SPRYD7: variants seen among roughly 807,000 people sequenced by gnomAD.
SPRYD7 encodes the protein SPRY domain-containing protein 7.
SPRYD7 carries 14 observed loss-of-function variants against 23.8 expected under a neutral mutation model. The ratio of observed to expected loss-of-function variants is 0.59; its 90% CI spans 0.39 to 0.92. The LOEUF is 0.92. SPRYD7 is among the 40% of genes least tolerant of loss of function. The probability of loss-of-function intolerance (pLI) is 0.00; values close to 1 mark genes in which losing one functional copy is unlikely to be tolerated. For missense variants in SPRYD7, 194 were observed against 241.7 expected (o/e 0.80, Z 1.31); for synonymous variants, 75 against 84.9 (o/e 0.88, Z 0.64).
intron 1 of SPRYD7, among the ~76,000 whole-genome samples, chr13:49,934,161 A>G (rs1871507068): frequency 1.3e-5 from 2 of 152,178 alleles, no homozygotes; most frequent in African/African-American, 2.4e-5. Context: ...TGCTTGAAAC[A>G]TGTTCTTCTA....
chr13:49,935,193 TAAG>T (rs2138246339), intron 1 of SPRYD7, among the ~76,000 whole-genome samples: 1 of 152,340 alleles, frequency 6.6e-6, no homozygotes, highest in Admixed American at 6.5e-5. Context: ...TCATAAATAT[TAAG>T]AAGTGCCTTT....
chr13:49,935,122 A>C (rs965594557), intron 1 of SPRYD7, among the ~76,000 whole-genome samples: 1 of 152,234 alleles, frequency 6.6e-6, no homozygotes, highest in Non-Finnish European at 1.5e-5. Context: ...TATGTGTTAT[A>C]CAAAAATACA....
At position 49,936,159 on chromosome 13, in the gene SPRYD7, G is replaced by A. The variant is rs747280033; in HGVS notation, c.77C>T (p.Pro26Leu). Reference protein sequence around the residue: ...GTGHIPLKEMPAVQLDTQHMG... With the variant: ...GTGHIPLKEMLAVQLDTQHMG... ...GTGCTGCGTGTCCAGCTGCACGGCC[G>A]GCATCTCCTTCAGAGGGATGTGGCC... The change falls in exon 1 of 5, where the codon CCG becomes CTG. Residue 26 changes from proline to leucine, a missense_variant. By Grantham distance (98) the Pro-to-Leu change is moderately conservative. Coordinates refer to ENST00000361840, the MANE Select transcript of SPRYD7 (RefSeq NM_020456.4). 3.1e-6 allele frequency: 5 copies of A among 1,607,290 alleles called. No individual in the cohort carries two copies. Among genetic ancestry groups the A allele is most frequent in the Admixed American group, 1.7e-5 (1 of 59,450 alleles).
chr13:49,931,591 TATTTA>T (rs1871379093), intron 1 of SPRYD7, among the ~76,000 whole-genome samples: 1 of 152,234 alleles, frequency 6.6e-6, no homozygotes, highest in Non-Finnish European at 1.5e-5. Flanking sequence ...TTATTTTAAA[TATTTA>T]ATTCACTATT....
chr13:49,922,217 T>C lies in SPRYD7; in HGVS notation c.391-637A>G, dbSNP rs545257491. ...GATTTAAAAAACAATGTAATAAAAT[T>C]ACTCGGTACACTATTGATGGAAAAA... On this transcript the variant is annotated intron_variant, in intron 3 of 4. Coordinates refer to ENST00000361840, the MANE Select transcript of SPRYD7 (RefSeq NM_020456.4). Among the ~76,000 whole-genome samples, 6 of 151,446 alleles carry C rather than the reference T, an allele frequency of 4.0e-5. No homozygotes were observed. In the East Asian group the frequency reaches 9.7e-4, roughly 24 times the overall value.
rs745440751 is a variant in SPRYD7 at position 49,936,187 on chromosome 13, T to G, written c.49A>C (p.Thr17Pro). The part of the protein sequence containing the change: ...CCLRCCRDGG[T>P]GHIPLKEMPA... ...ATCTCCTTCAGAGGGATGTGGCCAGTCCCCCCGTCTCTGCAGCACCGCAGG... is the reference window on the plus strand; with the variant it reads ...ATCTCCTTCAGAGGGATGTGGCCAGGCCCCCCGTCTCTGCAGCACCGCAGG... The change falls in exon 1 of 5, where the codon ACT becomes CCT. Residue 17 changes from threonine (T) to proline (P), a missense_variant. Thr to Pro is a conservative substitution (Grantham distance 38). Transcript: ENST00000361840. 1.2e-6 allele frequency: 2 copies of G among 1,609,518 alleles called. No individual in the cohort carries two copies. The highest frequency in any genetic ancestry group is 2.2e-5 in the South Asian group (2 of 90,586).
chr13:49,925,017 A>G (rs1241006279), intron 3 of SPRYD7, among the ~76,000 whole-genome samples: 1 of 148,916 alleles, frequency 6.7e-6, no homozygotes, highest in Non-Finnish European at 1.5e-5. Context: ...AATAATAATA[A>G]TAATAATAAT....
intron 3 of SPRYD7, among the ~76,000 whole-genome samples, chr13:49,924,636 T>A (rs1566404374): frequency 6.6e-6 from 1 of 151,938 alleles, no homozygotes; most frequent in Non-Finnish European, 1.5e-5. Context: ...TTAACTCACA[T>A]AAGAAGTTAC....
chr13:49,927,693 G>C (rs1445708439), intron 3 of SPRYD7, among the ~76,000 whole-genome samples: 2 of 152,140 alleles, frequency 1.3e-5, no homozygotes, highest in East Asian at 1.9e-4. Context: ...TAGAAATAAG[G>C]GTTCACACTG....
At chr13:49,930,907 T>C in intron 2 of SPRYD7, 111 bp downstream of exon 2, 1 of 620,054 alleles carries the variant, frequency 1.6e-6, no homozygotes, top group Non-Finnish European at 2.7e-6. Context: ...CCAGATCTTC[T>C]AAGAGTTTGG....
intron 4 of SPRYD7, among the ~76,000 whole-genome samples, chr13:49,919,838 CGA>C (rs1339410824): frequency 7.0e-6 from 1 of 142,198 alleles, no homozygotes; most frequent in African/African-American, 2.6e-5. Context: ...ACCTTTTTTT[CGA>C]GATACAAATA....
At position 49,921,620 on chromosome 13, in the gene SPRYD7, C is replaced by G. The variant is rs773414035; in HGVS notation, c.391-40G>C. 64 of 1,292,352 alleles carry G rather than the reference C, an allele frequency of 5.0e-5. No individual in the cohort carries two copies. The South Asian group carries it at 7.5e-4, about 15-fold the overall frequency. 80.1% of individuals were successfully genotyped at this position (1,292,352 alleles called of 1,614,324 possible). ...ACAGAAACGTTCCATAAAAGCTGAG[C>G]CGTCAGAAAGCATTGACTGGGAAGT... On this transcript the variant is annotated intron_variant, in intron 3 of 4. Transcript: ENST00000361840.
At chr13:49,923,570 C>G (rs2138223844) in intron 3 of SPRYD7, among the ~76,000 whole-genome samples, 1 of 152,258 alleles carries the variant, frequency 6.6e-6, no homozygotes, top group African/African-American at 2.4e-5. Context: ...TAAACCCAAG[C>G]CTGCAGTAGC....
In SPRYD7 at chr13:49,934,279, C is replaced by T. The variant is rs140560258; in HGVS notation, c.106+1851G>A. 6.7e-4 allele frequency among the ~76,000 whole-genome samples: 102 copies of T among 151,980 alleles called. 2 individuals are homozygous for T. Among genetic ancestry groups the T allele is most frequent in the African/African-American group, 2.4e-3 (99 of 41,458 alleles). ...ACAGGCTAAGAAAAAACTTCCTGGCCGGGCGTGGTGGCTCACCCCTATAAT... is the reference window on the plus strand; with the variant it reads ...ACAGGCTAAGAAAAAACTTCCTGGCTGGGCGTGGTGGCTCACCCCTATAAT... On this transcript the variant is annotated intron_variant, in intron 1 of 4. Coordinates refer to ENST00000361840, the MANE Select transcript of SPRYD7 (RefSeq NM_020456.4).
chr13:49,917,691 C>T (rs925498263), intron 4 of SPRYD7, among the ~76,000 whole-genome samples: 6 of 152,146 alleles, frequency 3.9e-5, no homozygotes, highest in Admixed American at 1.3e-4. Context: ...CAGTTTAGAG[C>T]ATTAAACTTA....
chr13:49,915,047 T>G lies in SPRYD7; in HGVS notation c.*16A>C. The G allele has an allele frequency of 6.8e-7, 1 of 1,465,476 alleles. No individual in the cohort carries two copies. Among genetic ancestry groups the G allele is most frequent in the East Asian group, 2.3e-5 (1 of 42,724 alleles). The allele number at this position is 1,465,476 out of a possible 1,614,324, so 90.8% of individuals were successfully genotyped here. A position where few individuals can be genotyped will look rare whatever the true frequency, so the allele number is the denominator to read the frequency against. On this transcript the variant is annotated 3_prime_UTR_variant, in exon 5 of 5. Coordinates refer to ENST00000361840, the MANE Select transcript of SPRYD7 (RefSeq NM_020456.4). Reference sequence around the variant, plus strand: ...TTTTAACAGTGCAGAAATACAAGTTTTAAAAACAAATACATTCAGAAGATT... The same window carrying G: ...TTTTAACAGTGCAGAAATACAAGTTGTAAAAACAAATACATTCAGAAGATT...
intron 4 of SPRYD7, among the ~76,000 whole-genome samples, chr13:49,920,906 A>G (rs1463601802): frequency 6.6e-6 from 1 of 152,186 alleles, no homozygotes; most frequent in African/African-American, 2.4e-5. Flanking sequence ...GGCTGCAGTG[A>G]GCTGAGATCG....
intron 1 of SPRYD7, 41 bp downstream of exon 1, chr13:49,936,078 GCCGCGCCCGGC>G (rs1218023194): frequency 1.7e-6 from 2 of 1,195,016 alleles, no homozygotes; most frequent in African/African-American, 3.2e-5. Flanking sequence ...CCCCCTGCCC[GCCGCGCCCGGC>G]CCCCGTGAGC....
chr13:49,930,547 C>CTCCA (rs1955936319), intron 2 of SPRYD7, among the ~76,000 whole-genome samples: 1 of 151,720 alleles, frequency 6.6e-6, no homozygotes, highest in Admixed American at 6.6e-5. Context: ...CGCCACTGCA[C>CTCCA]TCCAGCCTGG....
Sources: gnomAD v4.1 joint callset for allele counts (sites outside exome capture counted in the v4.1 genomes callset) on GRCh38, gnomAD v4.1.1 for gene constraint, MANE v1.5 for transcripts, NCBI Gene and HGNC (gene_info 2026-07-23, HGNC 2026-07-21) for gene names.